PCDHGA8: variants seen among roughly 807,000 people sequenced by gnomAD.
The protein encoded by PCDHGA8 is protocadherin gamma-A8.
In PCDHGA8, 45 loss-of-function variants were observed where a neutral mutation model predicts 59.2. The observed-to-expected ratio is 0.76, with a 90% CI of 0.60 to 0.98. The LOEUF (loss-of-function observed/expected upper bound fraction) is 0.98, where lower values mean the gene tolerates loss of function less well. PCDHGA8 is among the 50% of genes least tolerant of loss of function. PCDHGA8 has a pLI of 0.00. For missense variants in PCDHGA8, 1,257 were observed against 1,196.2 expected (o/e 1.05, Z -0.75); for synonymous variants, 531 against 519.0 (o/e 1.02, Z -0.32).
chr5:141,472,980 C>CAAAAAAAAAAAAAAAAAAAAAAAAAAAA (rs60579131), intron 1 of PCDHGA8, among the ~76,000 whole-genome samples: 1 of 86,106 alleles, frequency 1.2e-5, no homozygotes, highest in Non-Finnish European at 2.5e-5. Flanking sequence ...GAGTGAAACT[C>CAAAAAAAAAAAAAAAAAAAAAAAAAAAA]AAAAAAAAAA....
At chr5:141,403,913 G>A (rs567115998) in intron 1 of PCDHGA8, 5 of 1,613,844 alleles carry the variant, frequency 3.1e-6, no homozygotes, top group Non-Finnish European at 8.5e-7. Context: ...GGAAATACAA[G>A]CTGAAGATGG....
At chr5:141,423,501 C>T (rs2096747990) in intron 1 of PCDHGA8, 1 of 1,613,990 alleles carries the variant, frequency 6.2e-7, no homozygotes, top group Non-Finnish European at 8.5e-7. Context: ...CCCACGAGGT[C>T]TCTCTCATTG....
chr5:141,439,363 A>G (rs922889903), intron 1 of PCDHGA8, among the ~76,000 whole-genome samples: 2 of 152,208 alleles, frequency 1.3e-5, no homozygotes, highest in African/African-American at 2.4e-5. Context: ...TCAAACATCA[A>G]GAAGAAATAA....
chr5:141,464,208 T>G (rs915798868), intron 1 of PCDHGA8, among the ~76,000 whole-genome samples: 1 of 148,120 alleles, frequency 6.8e-6, no homozygotes, highest in Admixed American at 6.9e-5. Context: ...GAGATTGCAG[T>G]GAGCTGAGAT....
chr5:141,481,901 G>A (rs1297925755), intron 1 of PCDHGA8, among the ~76,000 whole-genome samples: 2 of 125,298 alleles, frequency 1.6e-5, no homozygotes, highest in Non-Finnish European at 3.2e-5. Context: ...GTGAAAGAGC[G>A]AAACTCCATC....
At position 141,432,880 on chromosome 5, in the gene PCDHGA8, C is replaced by A. The variant is rs865848752; in HGVS notation, c.2424+37643C>A. 3 of 1,614,194 alleles carry A rather than the reference C, an allele frequency of 1.9e-6. No homozygotes were observed. The highest frequency in any genetic ancestry group is 2.5e-6 in the Non-Finnish European group (3 of 1,180,008). ...CGGTCTCCTGCGTCTTCCTGGCCTT[C>A]GTCATCTTGCTGCTGGCGCTCAGGC... On this transcript the variant is annotated intron_variant, in intron 1 of 3. Coordinates refer to ENST00000398604, the MANE Select transcript of PCDHGA8 (RefSeq NM_032088.2). The surrounding 1 kb of genome is among the most constrained non-coding windows in gnomAD (Gnocchi z 6.0).
At position 141,485,336 on chromosome 5, in the gene PCDHGA8, G is replaced by A. The variant is rs755039880; in HGVS notation, c.2425-9471G>A. Reference sequence around the variant, plus strand: ...GAATGTCGCTCAAGATTTCCTGCTGGATACGGACAGTCTGTCAGCTCGCAG... The same window carrying A: ...GAATGTCGCTCAAGATTTCCTGCTGAATACGGACAGTCTGTCAGCTCGCAG... On this transcript the variant is annotated intron_variant, in intron 1 of 3. Transcript: ENST00000398604. The surrounding 1 kb of genome is among the most constrained non-coding windows in gnomAD (Gnocchi z 5.7). 3 of 1,614,176 alleles carry A rather than the reference G, an allele frequency of 1.9e-6. No homozygotes were observed. In the South Asian group the frequency reaches 3.3e-5, roughly 18 times the overall value.
chr5:141,481,691 C>T (rs929210528), intron 1 of PCDHGA8, among the ~76,000 whole-genome samples: 7 of 152,080 alleles, frequency 4.6e-5, no homozygotes, highest in African/African-American at 1.4e-4. Flanking sequence ...TGGTGGCTCA[C>T]GCCTGTAATC....
chr5:141,413,809 C>G, intron 1 of PCDHGA8: 1 of 1,613,188 alleles, frequency 6.2e-7, no homozygotes. Flanking sequence ...AGAGGCCATT[C>G]ACCACCTGGT....
intron 1 of PCDHGA8, among the ~76,000 whole-genome samples, chr5:141,406,361 T>C (rs2094800900): frequency 6.6e-6 from 1 of 152,194 alleles, no homozygotes; most frequent in African/African-American, 2.4e-5. Flanking sequence ...ACTATGTTTG[T>C]AAGGGTAAAC....
At chr5:141,509,319 G>A (rs1427191152) in intron 3 of PCDHGA8, among the ~76,000 whole-genome samples, 3 of 152,216 alleles carry the variant, frequency 2.0e-5, no homozygotes, top group African/African-American at 4.8e-5. Context: ...TGGGAGAGAA[G>A]CTCTACTGCC....
intron 1 of PCDHGA8, among the ~76,000 whole-genome samples, chr5:141,450,815 A>ATTATTAT (rs1554136868): frequency 7.9e-6 from 1 of 126,684 alleles, no homozygotes; most frequent in African/African-American, 3.3e-5. Context: ...TATTTATTTA[A>ATTATTAT]TATTATTATT....
At chr5:141,398,014 C>T in intron 1 of PCDHGA8, 1 of 1,420,276 alleles carries the variant, frequency 7.0e-7, no homozygotes, top group South Asian at 1.5e-5. Context: ...AGAATCGTTT[C>T]CTAAACTGGA....
intron 1 of PCDHGA8, chr5:141,423,023 C>G (rs1410040994): frequency 6.2e-7 from 1 of 1,614,222 alleles, no homozygotes; most frequent in Non-Finnish European, 8.5e-7. Context: ...GACAAAGATT[C>G]AGGCCAGAAC....
At chr5:141,466,794 T>C (rs1487051313) in intron 1 of PCDHGA8, among the ~76,000 whole-genome samples, 2 of 152,226 alleles carry the variant, frequency 1.3e-5, no homozygotes, top group Non-Finnish European at 2.9e-5. Context: ...TGCCTCAAAC[T>C]AGATCCTATT....
chr5:141,398,087 G>T (rs1377881034), intron 1 of PCDHGA8: 1 of 1,599,430 alleles, frequency 6.3e-7, no homozygotes, highest in African/African-American at 1.3e-5. Flanking sequence ...TTGTAACCTG[G>T]CGTCTCCAGG....
chr5:141,417,232 G>C (rs997894028), intron 1 of PCDHGA8: 5 of 152,072 alleles, frequency 3.3e-5, no homozygotes, highest in Non-Finnish European at 7.4e-5. Flanking sequence ...AAAATTTGTT[G>C]CTTATCTTCA....
Position 141,489,600 on chromosome 5 carries a change from G to A in PCDHGA8, c.2425-5207G>A, listed in dbSNP as rs1407225048. 8.1e-6 allele frequency: 13 copies of A among 1,614,034 alleles called. No homozygotes were observed. Among genetic ancestry groups the A allele is most frequent in the Non-Finnish European group, 1.1e-5 (13 of 1,179,962 alleles). ...ACCCCCTGGAGCTAATCCGTGTAGA[G>A]GTAGAGATCCTGGATCTCAATGACA... On this transcript the variant is annotated intron_variant, in intron 1 of 3. Transcript: ENST00000398604. This position sits in a 1 kb window ranked among gnomAD's most constrained non-coding sequence, Gnocchi z 4.5.
chr5:141,497,473 AGGT>A (rs2099776769), intron 2 of PCDHGA8, among the ~76,000 whole-genome samples: 1 of 151,750 alleles, frequency 6.6e-6, no homozygotes. Flanking sequence ...ATGGAGGAGA[AGGT>A]GCGGAACCTC....
Sources: gnomAD v4.1 joint callset for allele counts (sites outside exome capture counted in the v4.1 genomes callset) on GRCh38, gnomAD v4.1.1 for gene constraint, Gnocchi (gnomAD v3.1) non-coding constraint, MANE v1.5 for transcripts, NCBI Gene and HGNC (gene_info 2026-07-23, HGNC 2026-07-21) for gene names.